Variants in DPF3 observed in about 807,000 individuals in gnomAD.
The protein encoded by DPF3 is zinc finger protein DPF3.
Under a neutral mutation model 56.8 loss-of-function variants are expected in DPF3, and 18 were observed. That is an observed-to-expected ratio of 0.32 (90% CI 0.22 to 0.47). The LOEUF is 0.47. Among genes scored for constraint, DPF3 ranks in the 20% least tolerant of loss-of-function variants. The pLI is 1.00. For synonymous variants in DPF3, 188 were observed against 180.2 expected, an observed-to-expected ratio of 1.04 and a Z score of -0.35; for missense variants, 403 against 488.8, an observed-to-expected ratio of 0.82 and a Z score of 1.65.
rs540892446 is a variant in DPF3, at chr14:72,611,609, C to T, written c.*7688G>A. Among the ~76,000 whole-genome samples, 39 of 152,270 alleles carry T rather than the reference C, an allele frequency of 2.6e-4. No individual in the cohort carries two copies. Among genetic ancestry groups the T allele is most frequent in the African/African-American group, 8.7e-4 (36 of 41,556 alleles). ...GATCAGGCCCTGCCAGTTGCACCTCCCTGCCTTCCACCCCAGAAACCCACA... is the reference window on the plus strand; with the variant it reads ...GATCAGGCCCTGCCAGTTGCACCTCTCTGCCTTCCACCCCAGAAACCCACA... On this transcript the variant is annotated 3_prime_UTR_variant, in exon 11 of 11. Coordinates refer to ENST00000556509, the MANE Select transcript of DPF3 (RefSeq NM_001280542.3).
At chr14:72,670,651 C>CTCTT (rs1886631586) in intron 8 of DPF3, 1 of 990,524 alleles carries the variant, frequency 1.0e-6, no homozygotes, top group Non-Finnish European at 1.2e-6. Context: ...CTCTCTCTCT[C>CTCTT]TCTCTCTCGC....
Position 72,617,801 on chromosome 14 carries a change from G to A in DPF3, c.*1496C>T, listed in dbSNP as rs902212371. ...TCCGGGAGCGTCCTCAGGAGCTGAA[G>A]AACTAAAAATAACCTGGGCCTTTGT... On this transcript the variant is annotated 3_prime_UTR_variant, in exon 11 of 11. Transcript: ENST00000556509. 6.6e-6 allele frequency among the ~76,000 whole-genome samples: 1 copy of A among 152,176 alleles called. No individual in the cohort carries two copies. Among genetic ancestry groups the A allele is most frequent in the Non-Finnish European group, 1.5e-5 (1 of 68,034 alleles).
chr14:72,814,784 T>C (rs958366749), intron 1 of DPF3, among the ~76,000 whole-genome samples: 1 of 150,526 alleles, frequency 6.6e-6, no homozygotes, highest in Non-Finnish European at 1.5e-5. Flanking sequence ...CACTCCAGCC[T>C]AGGCGACAGA....
In DPF3 at chr14:72,611,835, C is replaced by T. The variant is rs1269816794; in HGVS notation, c.*7462G>A. On this transcript the variant is annotated 3_prime_UTR_variant, in exon 11 of 11. Coordinates refer to ENST00000556509, the MANE Select transcript of DPF3 (RefSeq NM_001280542.3). Reference sequence around the variant, plus strand: ...GGGTAGAAATCACTGGATGCCTCCACCTGCTTGTCTTCTACTGAGGAACAC... The same window carrying T: ...GGGTAGAAATCACTGGATGCCTCCATCTGCTTGTCTTCTACTGAGGAACAC... Among the ~76,000 whole-genome samples, 2 of 152,132 alleles carry T rather than the reference C, an allele frequency of 1.3e-5. No individual in the cohort carries two copies. Among genetic ancestry groups the T allele is most frequent in the Non-Finnish European group, 2.9e-5 (2 of 68,042 alleles).
intron 5 of DPF3, among the ~76,000 whole-genome samples, chr14:72,715,087 T>C (rs895294681): frequency 6.6e-6 from 1 of 152,032 alleles, no homozygotes; most frequent in Non-Finnish European, 1.5e-5. Flanking sequence ...ACAGGGGAGC[T>C]CCCGCCACCA....
intron 8 of DPF3, among the ~76,000 whole-genome samples, chr14:72,668,062 A>C (rs542023592): frequency 6.6e-6 from 1 of 152,282 alleles, no homozygotes; most frequent in South Asian, 2.1e-4. Flanking sequence ...GAAATATTCC[A>C]AGGAAAGCGC....
intron 2 of DPF3, among the ~76,000 whole-genome samples, chr14:72,770,685 T>C (rs752556513): frequency 1.1e-3 from 165 of 152,234 alleles, no homozygotes; most frequent in Non-Finnish European, 1.4e-3. Context: ...GAAGCAGGGC[T>C]ACATGGGGAT....
At chr14:72,685,484 T>G (rs1887369640) in intron 7 of DPF3, among the ~76,000 whole-genome samples, 1 of 152,252 alleles carries the variant, frequency 6.6e-6, no homozygotes, top group Admixed American at 6.5e-5. Context: ...TCTCTTTCCC[T>G]CTTTCCTCTT....
intron 1 of DPF3, among the ~76,000 whole-genome samples, chr14:72,818,122 T>A (rs896125202): frequency 6.6e-6 from 1 of 152,044 alleles, no homozygotes; most frequent in Non-Finnish European, 1.5e-5. Context: ...ACACATGTAA[T>A]CCCAGCTATT....
intron 4 of DPF3, among the ~76,000 whole-genome samples, chr14:72,725,390 G>A (rs1889361400): frequency 6.6e-6 from 1 of 152,236 alleles, no homozygotes; most frequent in Non-Finnish European, 1.5e-5. Flanking sequence ...AAGTTGAGAT[G>A]TGGAGGATGA....
At chr14:72,671,003 T>C (rs1205038587) in intron 8 of DPF3, 2 of 1,424,588 alleles carry the variant, frequency 1.4e-6, no homozygotes, top group Admixed American at 2.5e-5. Flanking sequence ...ACGTGGGAGG[T>C]GAAGGGAAAA....
chr14:72,644,494 T>C (rs1002737877), intron 8 of DPF3, among the ~76,000 whole-genome samples: 1 of 152,216 alleles, frequency 6.6e-6, no homozygotes, highest in African/African-American at 2.4e-5. Flanking sequence ...TTTCTTTTTT[T>C]CCTCTGGAGA....
At chr14:72,628,418 CAAATG>C (rs760740835) in intron 9 of DPF3, among the ~76,000 whole-genome samples, 13 of 151,994 alleles carry the variant, frequency 8.6e-5, no homozygotes, top group Non-Finnish European at 1.5e-4. Flanking sequence ...TGAAGGTAAC[CAAATG>C]AAAGATTGGG....
intron 2 of DPF3, among the ~76,000 whole-genome samples, chr14:72,766,019 AG>A (rs1208928404): frequency 1.3e-5 from 2 of 152,180 alleles, no homozygotes; most frequent in Non-Finnish European, 2.9e-5. Flanking sequence ...GGAGAAGCGC[AG>A]GAAGGATAGA....
chr14:72,676,649 T>C (rs1384456535), intron 7 of DPF3, among the ~76,000 whole-genome samples: 6 of 152,198 alleles, frequency 3.9e-5, no homozygotes, highest in Non-Finnish European at 8.8e-5. Flanking sequence ...TGAATAAGTC[T>C]CATGGCATCT....
intron 6 of DPF3, among the ~76,000 whole-genome samples, chr14:72,698,627 T>C (rs191199530): frequency 6.6e-6 from 1 of 152,236 alleles, no homozygotes; most frequent in African/African-American, 2.4e-5. Flanking sequence ...GCAGAGGTTG[T>C]AGTTAGCTGA....
chr14:72,681,602 C>T (rs1253708801), intron 7 of DPF3, among the ~76,000 whole-genome samples: 1 of 152,208 alleles, frequency 6.6e-6, no homozygotes, highest in African/African-American at 2.4e-5. Flanking sequence ...GCCTTCTTTT[C>T]CTCCATCTTT....
At chr14:72,806,340 C>T (rs1411960742) in intron 1 of DPF3, among the ~76,000 whole-genome samples, 1 of 152,144 alleles carries the variant, frequency 6.6e-6, no homozygotes, top group Non-Finnish European at 1.5e-5. Flanking sequence ...TTGAAACACT[C>T]AGAGCCTTGA....
At chr14:72,835,170 C>A (rs1400984644) in intron 1 of DPF3, among the ~76,000 whole-genome samples, 1 of 152,136 alleles carries the variant, frequency 6.6e-6, no homozygotes, top group East Asian at 1.9e-4. Context: ...CGGGTTCAAG[C>A]AATTCTCCTG....
Sources: allele counts gnomAD v4.1 joint callset (sites outside exome capture counted in the v4.1 genomes callset), GRCh38; gene constraint gnomAD v4.1.1; transcripts MANE v1.5; gene names NCBI Gene and HGNC (gene_info 2026-07-23, HGNC 2026-07-21).